Variants in ARHGEF17 observed in about 807,000 individuals in gnomAD.
The protein encoded by ARHGEF17 is 164 kDa Rho-specific guanine-nucleotide exchange factor.
In ARHGEF17, 80 loss-of-function variants were observed where a neutral mutation model predicts 174.0. The observed-to-expected ratio is 0.46, with a 90% CI of 0.38 to 0.55. The LOEUF (loss-of-function observed/expected upper bound fraction) is 0.55, where lower values mean the gene tolerates loss of function less well. Ranked by LOEUF, ARHGEF17 falls within the 20% of genes least tolerant of loss-of-function variation. The probability of loss-of-function intolerance (pLI) is 0.00; values close to 1 mark genes in which losing one functional copy is unlikely to be tolerated. For synonymous variants in ARHGEF17, 1,311 were observed against 1,189.1 expected, an observed-to-expected ratio of 1.10 and a Z score of -2.11; for missense variants, 2,886 against 2,839.7, an observed-to-expected ratio of 1.02 and a Z score of -0.37.
At chr11:73,352,780 TG>T in intron 2 of ARHGEF17, 49 bp from the exon 3 acceptor site, 2 of 1,598,322 alleles carry the variant, frequency 1.3e-6, no homozygotes, top group Non-Finnish European at 1.7e-6. Context: ...GTAGGTGTGG[TG>T]GGGGCGGCAT....
Position 73,356,615 on chromosome 11 carries a change from C to G in ARHGEF17, c.3841-94C>G, listed in dbSNP as rs928318127. 8 of 1,523,890 alleles carry G rather than the reference C, an allele frequency of 5.2e-6. No homozygotes were observed. In the African/African-American group the frequency reaches 9.5e-5, roughly 18 times the overall value. 94.4% of individuals were successfully genotyped at this position (1,523,890 alleles called of 1,614,324 possible). On this transcript the variant is annotated intron_variant, in intron 6 of 20. Transcript: ENST00000263674. ...AAGCATGCTGCTTCCATTGGCCTAG[C>G]CCATGGAGTGGGGCCGAGGGATCAC...
chr11:73,360,251 A>G, intron 10 of ARHGEF17, 69 bp from the exon 11 acceptor site: 1 of 1,554,072 alleles, frequency 6.4e-7, no homozygotes, highest in South Asian at 1.1e-5. Context: ...GCAGGTCCCC[A>G]CACATTAAGG....
intron 1 of ARHGEF17, among the ~76,000 whole-genome samples, chr11:73,312,858 C>T (rs569380142): frequency 9.9e-5 from 15 of 152,074 alleles, no homozygotes; most frequent in Non-Finnish European, 1.8e-4. Flanking sequence ...CTCCCTGAGA[C>T]CCCTCCTTCT....
intron 13 of ARHGEF17, 69 bp downstream of exon 13, chr11:73,362,308 C>A: frequency 1.4e-6 from 2 of 1,451,210 alleles, no homozygotes; most frequent in Non-Finnish European, 1.8e-6. Flanking sequence ...CCAGCACACT[C>A]TCAGGCCGCC....
At chr11:73,353,069 G>A in intron 3 of ARHGEF17, 57 bp downstream of exon 3, 1 of 1,599,418 alleles carries the variant, frequency 6.3e-7, no homozygotes, top group Non-Finnish European at 8.5e-7. Context: ...GGAAGGGGCT[G>A]GATGTGGCCA....
chr11:73,366,746 AAAT>A lies in ARHGEF17; in HGVS notation c.5995+802_5995+804del, dbSNP rs556766203. On this transcript the variant is annotated intron_variant, in intron 20 of 20. Transcript: ENST00000263674. ...GTGATACCCTGTCTCAAAAAAATAAAAATAAAAATATGGCCGGGCGTGGTGGCT... is the reference window on the plus strand; with the variant it reads ...GTGATACCCTGTCTCAAAAAAATAAAAAAAATATGGCCGGGCGTGGTGGCT... Among the ~76,000 whole-genome samples the A allele has an allele frequency of 2.7e-3, 405 of 151,816 alleles. 1 individual carries two copies. Among genetic ancestry groups the A allele is most frequent in the Admixed American group, 5.1e-3 (78 of 15,246 alleles).
intron 1 of ARHGEF17, 22 bp from the exon 2 acceptor site, chr11:73,346,860 AC>A: frequency 6.9e-7 from 1 of 1,445,952 alleles, no homozygotes; most frequent in South Asian, 1.5e-5. Flanking sequence ...ACCCCTGTTC[AC>A]CCTCTGCTCC....
chr11:73,362,278 T>G, intron 13 of ARHGEF17, 39 bp downstream of exon 13: 1 of 1,473,272 alleles, frequency 6.8e-7, no homozygotes, highest in Non-Finnish European at 8.9e-7. Context: ...ACCGCGGGCC[T>G]GGGAGAACCA....
At chr11:73,349,986 A>T (rs1442136459) in intron 2 of ARHGEF17, among the ~76,000 whole-genome samples, 1 of 152,206 alleles carries the variant, frequency 6.6e-6, no homozygotes, top group Non-Finnish European at 1.5e-5. Flanking sequence ...GGCCAGCTGC[A>T]TGACCCGGAG....
At chr11:73,352,750 C>G in intron 2 of ARHGEF17, 80 bp from the exon 3 acceptor site, 1 of 1,500,122 alleles carries the variant, frequency 6.7e-7, no homozygotes, top group South Asian at 1.1e-5. Flanking sequence ...ATTCTGTGTG[C>G]ACTCACACAG....
rs1380247867 is a variant in ARHGEF17 at position 73,310,692 on chromosome 11, C to G, written c.2054C>G (p.Thr685Ser). The G allele has an allele frequency of 6.2e-7, 1 of 1,613,674 alleles. No individual in the cohort carries two copies. Among genetic ancestry groups the G allele is most frequent in the African/African-American group, 1.3e-5 (1 of 74,938 alleles). The part of the protein sequence containing the change: ...SAQTNHHGPG[T>S]EDSLGGWALV... ...CAGACGAACCACCATGGCCCTGGGA[C>G]TGAGGACAGTCTGGGCGGGTGGGCC... Residue 685 changes from threonine to serine, a missense_variant, in exon 1 of 21, where the codon ACT becomes AGT. By Grantham distance (58) the Thr-to-Ser change is moderately conservative. Transcript: ENST00000263674.
At chr11:73,316,863 G>A (rs1864936906) in intron 1 of ARHGEF17, among the ~76,000 whole-genome samples, 1 of 152,222 alleles carries the variant, frequency 6.6e-6, no homozygotes, top group Non-Finnish European at 1.5e-5. Context: ...GGGGCCAGGT[G>A]GAGGCTGTGA....
At chr11:73,353,107 G>A (rs1186252423) in intron 3 of ARHGEF17, 95 bp downstream of exon 3, 2 of 1,454,860 alleles carry the variant, frequency 1.4e-6, no homozygotes, top group East Asian at 2.3e-5. Flanking sequence ...CATCCCACCT[G>A]GATACTGACT....
intron 1 of ARHGEF17, among the ~76,000 whole-genome samples, chr11:73,325,810 T>G (rs1007516202): frequency 7.2e-5 from 11 of 152,222 alleles, no homozygotes; most frequent in Admixed American, 2.6e-4. Flanking sequence ...GGGGCGGGGC[T>G]GGGCAGTGGA....
rs780816018 is a variant in ARHGEF17 at position 73,308,742 on chromosome 11, C to A, written c.104C>A (p.Thr35Asn). 1.3e-6 allele frequency: 2 copies of A among 1,492,288 alleles called. No individual in the cohort carries two copies. The highest frequency in any genetic ancestry group is 2.5e-5 in the South Asian group (2 of 78,640). 92.4% of individuals were successfully genotyped at this position (1,492,288 alleles called of 1,614,324 possible). The change falls in exon 1 of 21, where the codon ACC (threonine) becomes AAC (asparagine). Residue 35 changes from threonine (T) to asparagine (N), a missense_variant. Physicochemically the swap from Thr to Asn is moderately conservative, Grantham distance 65 (BLOSUM62 0). Coordinates refer to ENST00000263674, the MANE Select transcript of ARHGEF17 (RefSeq NM_014786.4). ...GGGCTGAGGGAGGAGGACACGGACA[C>A]CCCCGGCTTGAGGCGACGCGCCTCG... is the stretch of plus-strand genomic sequence containing the variant. Reference protein sequence around the residue: ...GPGLREEDTDTPGLRRRASCR... With the variant: ...GPGLREEDTDNPGLRRRASCR...
At chr11:73,349,380 T>C (rs901964256) in intron 2 of ARHGEF17, among the ~76,000 whole-genome samples, 1 of 152,124 alleles carries the variant, frequency 6.6e-6, no homozygotes. Flanking sequence ...TTTGGGAGGC[T>C]GAGGTAGGCG....
intron 1 of ARHGEF17, among the ~76,000 whole-genome samples, chr11:73,323,219 C>T (rs1359708114): frequency 6.6e-6 from 1 of 152,136 alleles, no homozygotes; most frequent in Non-Finnish European, 1.5e-5. Flanking sequence ...ATGGAGGGAG[C>T]ATGGAAGGGA....
Position 73,311,094 on chromosome 11 carries a change from C to G in ARHGEF17, c.2456C>G (p.Ala819Gly). 2.5e-6 allele frequency: 4 copies of G among 1,607,736 alleles called. No individual in the cohort carries two copies. Among genetic ancestry groups the G allele is most frequent in the Non-Finnish European group, 3.4e-6 (4 of 1,175,026 alleles). ...TLGRVVDDRI[A>G]GKAPKKKSLS... is the part of the protein sequence containing the mutation. Reference sequence around the variant, plus strand: ...GGGCGTGTGGTGGACGACAGGATTGCTGGCAAAGCCCCCAAGAAGAAATCC... The same window carrying G: ...GGGCGTGTGGTGGACGACAGGATTGGTGGCAAAGCCCCCAAGAAGAAATCC... Residue 819 changes from alanine to glycine, a missense_variant, in exon 1 of 21, where the codon GCT becomes GGT. Ala to Gly is a moderately conservative substitution (Grantham distance 60). Around this residue, in one of 4 missense-constraint regions of ARHGEF17, gnomAD observed 1,728 missense variants for 1,461.2 expected, o/e 1.18. Transcript: ENST00000263674.
chr11:73,359,978 G>A (rs779302602), intron 10 of ARHGEF17, 26 bp downstream of exon 10: 36 of 1,564,340 alleles, frequency 2.3e-5, no homozygotes, highest in South Asian at 1.4e-4. Flanking sequence ...CTGACACTGG[G>A]GAGCCAGAGG....
Sources: allele counts gnomAD v4.1 joint callset (sites outside exome capture counted in the v4.1 genomes callset), GRCh38; gene constraint gnomAD v4.1.1; regional missense constraint gnomAD v4.1.1; transcripts MANE v1.5; gene names NCBI Gene and HGNC (gene_info 2026-07-23, HGNC 2026-07-21).